The following GHRH variants were observed in gnomAD, a reference collection of about 807,000 sequenced individuals.
GHRH encodes the protein somatoliberin.
In GHRH, 7 loss-of-function variants were observed where a neutral mutation model predicts 15.6. That is an observed-to-expected ratio of 0.45 (90% CI 0.26 to 0.84). The LOEUF (loss-of-function observed/expected upper bound fraction) is 0.84. GHRH is among the 40% of genes least tolerant of loss of function. The pLI is 0.18. For missense variants in GHRH, 117 were observed against 138.0 expected, an observed-to-expected ratio of 0.85 and a Z score of 0.76; for synonymous variants, 54 against 50.4, an observed-to-expected ratio of 1.07 and a Z score of -0.30.
In GHRH at chr20:37,258,373, CT is replaced by C. The variant is rs549669139; in HGVS notation, c.-19-1466del. 6.3e-4 allele frequency among the ~76,000 whole-genome samples: 96 copies of C among 152,330 alleles called. No homozygotes were observed. The highest frequency in any genetic ancestry group is 2.2e-3 in the African/African-American group (93 of 41,576). The stretch of plus-strand genomic sequence containing the variant: ...CCTCACATGGCTTCCTTCTCTCCCA[CT>C]CCTGGGTCCTGCTGAGGAGTTCTGG... On this transcript the variant is annotated intron_variant, in intron 1 of 4. Transcript: ENST00000373614. This position sits in a 1 kb window ranked among gnomAD's most constrained non-coding sequence, Gnocchi z 4.1.
intron 1 of GHRH, among the ~76,000 whole-genome samples, chr20:37,261,408 C>T (rs545541490): frequency 1.1e-4 from 17 of 152,328 alleles, no homozygotes; most frequent in African/African-American, 4.1e-4. Context: ...AGAATCCCAT[C>T]GCTGACAGGA....
In GHRH at chr20:37,251,755, C is replaced by T. The variant is rs376955669; in HGVS notation, c.309-524G>A. 9.9e-5 allele frequency among the ~76,000 whole-genome samples: 15 copies of T among 152,260 alleles called. No homozygotes were observed. In the East Asian group the frequency reaches 2.7e-3, roughly 27 times the overall value. ...CTAAACCCGAGCCTCAGTTTCCTTACAGGGCTGTTACGTGGACACAATGTA... is the reference window on the plus strand; with the variant it reads ...CTAAACCCGAGCCTCAGTTTCCTTATAGGGCTGTTACGTGGACACAATGTA... On this transcript the variant is annotated intron_variant, in intron 4 of 4. Coordinates refer to ENST00000373614, the MANE Select transcript of GHRH (RefSeq NM_021081.6).
At position 37,256,928 on chromosome 20, in the gene GHRH, G is replaced by C. The variant is rs746879864; in HGVS notation, c.-19-20C>G. On this transcript the variant is annotated intron_variant, in intron 1 of 4. Transcript: ENST00000373614. The stretch of plus-strand genomic sequence containing the variant: ...TGGCACCTGCAGAGTGACAGGAGGG[G>C]AAGGTCAGGTACAGCCACAGCCATT... The C allele has an allele frequency of 7.2e-4, 1,058 of 1,463,062 alleles. 4 individuals are homozygous for C. Among genetic ancestry groups the C allele is most frequent in the Middle Eastern group, 1.7e-4 (1 of 5,752 alleles). The allele number at this position is 1,463,062 out of a possible 1,614,324, so 90.6% of individuals were successfully genotyped here. A position where few individuals can be genotyped will look rare whatever the true frequency, so the allele number is the denominator to read the frequency against.
rs762180006 is a variant in GHRH, at chr20:37,256,859, G to T, written c.31C>A (p.Leu11Ile). The change falls in exon 2 of 5, where the codon CTC becomes ATC. Residue 11 changes from leucine (L) to isoleucine (I), a missense_variant. Coordinates refer to ENST00000373614, the MANE Select transcript of GHRH (RefSeq NM_021081.6). MPLWVFFFVI[L>I]TLSNSSHCSP... The stretch of plus-strand genomic sequence containing the variant: ...CAGTGGGAGCTGTTGCTGAGGGTGA[G>T]GATCACAAAGAAGAACACCCAGAGT... 1 of 1,612,930 alleles carries T rather than the reference G, an allele frequency of 6.2e-7. No individual in the cohort carries two copies.
chr20:37,256,452 C>A lies in GHRH; in HGVS notation c.130G>T (p.Val44Leu), dbSNP rs1283102203. 18 of 1,613,654 alleles carry A rather than the reference C, an allele frequency of 1.1e-5. No homozygotes were observed. The highest frequency in any genetic ancestry group is 1.5e-5 in the Non-Finnish European group (18 of 1,179,846). Residue 44 changes from valine (V) to leucine (L), a missense_variant, in exon 3 of 5, where the codon GTG (valine) becomes TTG (leucine). Coordinates refer to ENST00000373614, the MANE Select transcript of GHRH (RefSeq NM_021081.6). ...DAIFTNSYRK[V>L]LGQLSARKLL... ...TTGCGGGCGGACAGCTGGCCCAGCA[C>A]CTTCCGGTAGCTGTTGGTGAAGATG...
chr20:37,255,127 A>T (rs569904290), intron 3 of GHRH, among the ~76,000 whole-genome samples: 12 of 152,318 alleles, frequency 7.9e-5, no homozygotes, highest in African/African-American at 2.9e-4. Flanking sequence ...AATGATAAGA[A>T]TACTTAATGT....
intron 4 of GHRH, 43 bp from the exon 5 acceptor site, chr20:37,251,274 A>AG: frequency 5.7e-6 from 9 of 1,574,880 alleles, no homozygotes; most frequent in Non-Finnish European, 7.8e-6. Context: ...AATTGAAGTA[A>AG]GGGTGGCTAG....
intron 1 of GHRH, among the ~76,000 whole-genome samples, chr20:37,260,510 G>C (rs1038245118): frequency 6.6e-6 from 1 of 152,034 alleles, no homozygotes; most frequent in Non-Finnish European, 1.5e-5. Flanking sequence ...GCTTGAGCCC[G>C]GGAGGTTAAG....
At chr20:37,260,409 A>AC (rs966608198) in intron 1 of GHRH, among the ~76,000 whole-genome samples, 16 of 151,334 alleles carry the variant, frequency 1.1e-4, no homozygotes, top group Admixed American at 2.0e-4. Flanking sequence ...CAAAAAAAAA[A>AC]ACACACAAAA....
Position 37,254,332 on chromosome 20 carries a change from G to A in GHRH, c.189-3C>T, listed in dbSNP as rs370530835. ...CTCCTCGCTCTTGGTTGCTCTCTCTGTGTGGTTAGAAAAAGAGAACTAGTT... is the reference window on the plus strand; with the variant it reads ...CTCCTCGCTCTTGGTTGCTCTCTCTATGTGGTTAGAAAAAGAGAACTAGTT... On this transcript the variant is annotated splice_polypyrimidine_tract_variant and splice_region_variant and intron_variant, in intron 3 of 4. Coordinates refer to ENST00000373614, the MANE Select transcript of GHRH (RefSeq NM_021081.6). The A allele has an allele frequency of 5.6e-6, 9 of 1,614,082 alleles. No individual in the cohort carries two copies. The highest frequency in any genetic ancestry group is 6.8e-6 in the Non-Finnish European group (8 of 1,179,976).
In GHRH at chr20:37,254,398, A is replaced by G. The variant is rs33997191; in HGVS notation, c.189-69T>C. On this transcript the variant is annotated intron_variant, in intron 3 of 4. Coordinates refer to ENST00000373614, the MANE Select transcript of GHRH (RefSeq NM_021081.6). Reference sequence around the variant, plus strand: ...TGTGGAAAGGCAGGGGTATATCCCTATGCCTATTTCAATATCTGGTGTGGA... The same window carrying G: ...TGTGGAAAGGCAGGGGTATATCCCTGTGCCTATTTCAATATCTGGTGTGGA... The G allele has an allele frequency of 1.4e-3, 2,060 of 1,512,742 alleles. 98 individuals carry two copies. The East Asian group carries it at 0.046, about 34-fold the overall frequency. 93.7% of individuals were successfully genotyped at this position (1,512,742 alleles called of 1,614,324 possible).
chr20:37,255,716 G>A (rs2068652175), intron 3 of GHRH, among the ~76,000 whole-genome samples: 1 of 147,766 alleles, frequency 6.8e-6, no homozygotes, highest in African/African-American at 2.5e-5. Flanking sequence ...ATGGGGATAA[G>A]GGTTGTTATG....
chr20:37,253,267 C>T (rs1169697923), intron 4 of GHRH, among the ~76,000 whole-genome samples: 8 of 152,148 alleles, frequency 5.3e-5, no homozygotes, highest in Non-Finnish European at 1.0e-4. Flanking sequence ...AGCTGGGGAA[C>T]GACAGTCATC....
chr20:37,254,825 T>A (rs2068646084), intron 3 of GHRH, among the ~76,000 whole-genome samples: 2 of 152,134 alleles, frequency 1.3e-5, no homozygotes, highest in Non-Finnish European at 2.9e-5. Context: ...TAATCAAAAC[T>A]GTCAATGTCA....
intron 3 of GHRH, among the ~76,000 whole-genome samples, chr20:37,255,687 G>A (rs55703931): frequency 0.026 from 2,559 of 96,732 alleles, 67 homozygotes; most frequent in African/African-American, 0.12. Flanking sequence ...AAAAAAAAAA[G>A]AGCTATTAAC....
At position 37,254,332 on chromosome 20, in the gene GHRH, G is replaced by C. The variant is rs370530835; in HGVS notation, c.189-3C>G. On this transcript the variant is annotated splice_polypyrimidine_tract_variant and splice_region_variant and intron_variant, in intron 3 of 4. Coordinates refer to ENST00000373614, the MANE Select transcript of GHRH (RefSeq NM_021081.6). ...CTCCTCGCTCTTGGTTGCTCTCTCT[G>C]TGTGGTTAGAAAAAGAGAACTAGTT... 14 of 1,613,964 alleles carry C rather than the reference G, an allele frequency of 8.7e-6. No individual in the cohort carries two copies. Among genetic ancestry groups the C allele is most frequent in the Admixed American group, 3.3e-5 (2 of 60,002 alleles).
Position 37,251,196 on chromosome 20 carries a change from G to A in GHRH, c.*17C>T. 6.3e-7 allele frequency: 1 copy of A among 1,589,734 alleles called. No homozygotes were observed. The highest frequency in any genetic ancestry group is 8.6e-7 in the Non-Finnish European group (1 of 1,166,512). ...TTGCATTTTGGCTACAGGTAGCCCG[G>A]GTCACAGGAGGAATCTTCATCCCTG... On this transcript the variant is annotated 3_prime_UTR_variant, in exon 5 of 5. Coordinates refer to ENST00000373614, the MANE Select transcript of GHRH (RefSeq NM_021081.6).
intron 4 of GHRH, among the ~76,000 whole-genome samples, 161 bp from the exon 5 acceptor site, chr20:37,251,392 A>T (rs545161152): frequency 6.6e-6 from 1 of 152,188 alleles, no homozygotes; most frequent in Admixed American, 6.5e-5. Flanking sequence ...CAAGCATGCC[A>T]GCAAGGCGAG....
intron 4 of GHRH, among the ~76,000 whole-genome samples, chr20:37,253,809 G>A (rs1307664528): frequency 6.6e-6 from 1 of 152,146 alleles, no homozygotes; most frequent in Non-Finnish European, 1.5e-5. Context: ...GGAGTGTAAT[G>A]GTGCGATCTC....
Sources: gnomAD v4.1 joint callset for allele counts (sites outside exome capture counted in the v4.1 genomes callset) on GRCh38, gnomAD v4.1.1 for gene constraint, Gnocchi (gnomAD v3.1) non-coding constraint, MANE v1.5 for transcripts, NCBI Gene and HGNC (gene_info 2026-07-23, HGNC 2026-07-21) for gene names.